The following ELMOD1 variants were observed in gnomAD, a reference collection of about 807,000 sequenced individuals.
ELMOD1 encodes the protein ELMO domain-containing protein 1.
In ELMOD1, 21 loss-of-function variants were observed where a neutral mutation model predicts 46.7. The observed-to-expected ratio is 0.45, with a 90% confidence interval of 0.32 to 0.65. ELMOD1 has a LOEUF of 0.65. Among genes scored for constraint, ELMOD1 ranks in the 30% least tolerant of loss-of-function variants. The probability of loss-of-function intolerance (pLI) is 0.04; values close to 1 mark genes in which losing one functional copy is unlikely to be tolerated. For missense variants in ELMOD1, 348 were observed against 407.8 expected (o/e 0.85, Z 1.26); for synonymous variants, 122 against 138.2 (o/e 0.88, Z 0.82).
At chr11:107,645,588 G>A (rs1311800865) in intron 6 of ELMOD1, among the ~76,000 whole-genome samples, 1 of 151,904 alleles carries the variant, frequency 6.6e-6, no homozygotes, top group Non-Finnish European at 1.5e-5. Context: ...GCTTCCCAAA[G>A]TGCTGGGATT....
chr11:107,609,202 A>G (rs1865736370), intron 1 of ELMOD1, among the ~76,000 whole-genome samples: 1 of 152,264 alleles, frequency 6.6e-6, no homozygotes, highest in South Asian at 2.1e-4. Flanking sequence ...ATTTGCTATT[A>G]TCATTAATTT....
chr11:107,631,448 A>G (rs1866139142), intron 4 of ELMOD1, 132 bp from the exon 5 acceptor site: 1 of 279,946 alleles, frequency 3.6e-6, no homozygotes, highest in South Asian at 1.3e-4. Flanking sequence ...CAAGTACGCT[A>G]AATCAATTGT....
At chr11:107,662,837 A>G (rs1866766328) in intron 11 of ELMOD1, among the ~76,000 whole-genome samples, 1 of 151,644 alleles carries the variant, frequency 6.6e-6, no homozygotes, top group Non-Finnish European at 1.5e-5. Context: ...GGCTGCAGTG[A>G]GCTGAGATTC....
intron 1 of ELMOD1, among the ~76,000 whole-genome samples, chr11:107,607,871 A>T (rs1865712422): frequency 1.3e-5 from 2 of 152,140 alleles, no homozygotes; most frequent in Non-Finnish European, 2.9e-5. Context: ...CAAACTGAGG[A>T]AATTAATCAG....
At chr11:107,594,598 A>G (rs1259074196) in intron 1 of ELMOD1, among the ~76,000 whole-genome samples, 2 of 152,248 alleles carry the variant, frequency 1.3e-5, no homozygotes, top group Non-Finnish European at 2.9e-5. Flanking sequence ...AAAAGTTGTC[A>G]TCACACAATA....
At chr11:107,602,640 G>A (rs1421685157) in intron 1 of ELMOD1, among the ~76,000 whole-genome samples, 1 of 150,628 alleles carries the variant, frequency 6.6e-6, no homozygotes, top group Non-Finnish European at 1.5e-5. Flanking sequence ...TATTTAATGA[G>A]TATAATATTT....
intron 1 of ELMOD1, among the ~76,000 whole-genome samples, chr11:107,608,649 A>G (rs1865727436): frequency 6.6e-6 from 1 of 152,192 alleles, no homozygotes; most frequent in Non-Finnish European, 1.5e-5. Flanking sequence ...AGAATAATAT[A>G]AAACTCATGT....
At position 107,666,320 on chromosome 11, in the gene ELMOD1, G is replaced by T. The variant is rs1466675270; in HGVS notation, c.*1123G>T. 1.3e-5 allele frequency: 2 copies of T among 152,152 alleles called. No individual in the cohort carries two copies. Among genetic ancestry groups the T allele is most frequent in the Non-Finnish European group, 2.9e-5 (2 of 68,014 alleles). 9.4% of individuals were successfully genotyped at this position (152,152 alleles called of 1,614,324 possible). ...TCACTGCCTGCCTCTTGCGGAACTGGGTTACACCCTGGCACTGTTCTGATC... is the reference window on the plus strand; with the variant it reads ...TCACTGCCTGCCTCTTGCGGAACTGTGTTACACCCTGGCACTGTTCTGATC... On this transcript the variant is annotated 3_prime_UTR_variant, in exon 12 of 12. Transcript: ENST00000265840.
chr11:107,653,703 C>T (rs953906977), intron 9 of ELMOD1: 3 of 150,748 alleles, frequency 2.0e-5, no homozygotes, highest in African/African-American at 7.3e-5. Flanking sequence ...ATTTACTTAT[C>T]GATGAACATT....
intron 1 of ELMOD1, among the ~76,000 whole-genome samples, chr11:107,613,770 A>G (rs1011513960): frequency 6.6e-6 from 1 of 152,208 alleles, no homozygotes; most frequent in Non-Finnish European, 1.5e-5. Context: ...CCTTAGTTGC[A>G]TGAGAGTTCT....
At chr11:107,604,548 T>C (rs910889384) in intron 1 of ELMOD1, among the ~76,000 whole-genome samples, 3 of 152,164 alleles carry the variant, frequency 2.0e-5, no homozygotes, top group South Asian at 4.1e-4. Context: ...GATACTTTTT[T>C]CCCCCACATC....
intron 6 of ELMOD1, among the ~76,000 whole-genome samples, chr11:107,638,120 T>A (rs904827802): frequency 6.6e-6 from 1 of 152,172 alleles, no homozygotes; most frequent in Non-Finnish European, 1.5e-5. Context: ...CAGGAATTTG[T>A]TCATGCTATT....
At chr11:107,618,018 A>T (rs1865889612) in intron 1 of ELMOD1, 87 bp from the exon 2 acceptor site, 4 of 668,284 alleles carry the variant, frequency 6.0e-6, no homozygotes, top group Non-Finnish European at 1.1e-5. Context: ...TGGCATGTTA[A>T]CTGCTTGCCT....
chr11:107,654,150 A>G lies in ELMOD1; in HGVS notation c.648-22A>G, dbSNP rs750593423. The G allele has an allele frequency of 1.5e-5, 23 of 1,564,162 alleles. 1 individual carries two copies. The South Asian group carries it at 2.7e-4, about 18-fold the overall frequency. On this transcript the variant is annotated intron_variant, in intron 9 of 11. Coordinates refer to ENST00000265840, the MANE Select transcript of ELMOD1 (RefSeq NM_018712.4). ...ATTAGAGGTTAAATCTGACTTACTT[A>G]CTTATTCATTCATCCATTCAGCAAA...
chr11:107,660,063 C>T (rs1163325141), intron 11 of ELMOD1, among the ~76,000 whole-genome samples: 1 of 152,078 alleles, frequency 6.6e-6, no homozygotes, highest in Non-Finnish European at 1.5e-5. Context: ...GGCAGAGGGG[C>T]TCAGGCCTCT....
intron 1 of ELMOD1, among the ~76,000 whole-genome samples, chr11:107,608,133 T>C (rs1387600248): frequency 6.6e-6 from 1 of 152,116 alleles, no homozygotes; most frequent in Admixed American, 6.5e-5. Context: ...TAGTTATTAC[T>C]AATTACAGTA....
chr11:107,621,111 TA>T (rs1865940343), intron 2 of ELMOD1, among the ~76,000 whole-genome samples: 1 of 152,260 alleles, frequency 6.6e-6, no homozygotes. Flanking sequence ...TTATATTTTT[TA>T]AAGTTATCAG....
Position 107,654,245 on chromosome 11 carries a change from A to G in ELMOD1, c.698+23A>G. On this transcript the variant is annotated intron_variant, in intron 10 of 11. Coordinates refer to ENST00000265840, the MANE Select transcript of ELMOD1 (RefSeq NM_018712.4). ...TGGGTGAGTATGGGATCTCACATGGAAAGATGGTCCGTCTGAAACAGAACC... is the reference window on the plus strand; with the variant it reads ...TGGGTGAGTATGGGATCTCACATGGGAAGATGGTCCGTCTGAAACAGAACC... 7 of 1,578,872 alleles carry G rather than the reference A, an allele frequency of 4.4e-6. No individual in the cohort carries two copies. In the South Asian group the frequency reaches 8.2e-5, roughly 18 times the overall value.
intron 2 of ELMOD1, among the ~76,000 whole-genome samples, chr11:107,625,238 G>A (rs1866021274): frequency 6.6e-6 from 1 of 152,214 alleles, no homozygotes; most frequent in South Asian, 2.1e-4. Context: ...CTTCAGTGGA[G>A]CAACTAAATG....
Sources: allele counts gnomAD v4.1 joint callset (sites outside exome capture counted in the v4.1 genomes callset), GRCh38; gene constraint gnomAD v4.1.1; transcripts MANE v1.5; gene names NCBI Gene and HGNC (gene_info 2026-07-23, HGNC 2026-07-21).